Variants in SLC35F3 observed in about 807,000 individuals in gnomAD.
SLC35F3 encodes solute carrier family 35 member F3, also known as putative thiamine transporter SLC35F3.
In SLC35F3, 25 loss-of-function variants were observed where a neutral mutation model predicts 49.9. That is an observed-to-expected ratio of 0.50 (90% CI 0.37 to 0.70). SLC35F3 has a LOEUF of 0.70. Ranked by LOEUF, SLC35F3 falls within the 30% of genes least tolerant of loss-of-function variation. The pLI, the probability that SLC35F3 is intolerant of heterozygous loss-of-function variation, is 0.00. For missense variants in SLC35F3, 525 were observed against 639.8 expected, an observed-to-expected ratio of 0.82 and a Z score of 1.94; for synonymous variants, 275 against 265.4, an observed-to-expected ratio of 1.04 and a Z score of -0.35.
At chr1:234,090,200 A>G (rs1027011162) in intron 2 of SLC35F3, among the ~76,000 whole-genome samples, 1 of 152,260 alleles carries the variant, frequency 6.6e-6, no homozygotes, top group Admixed American at 6.5e-5. Flanking sequence ...AATCATCCTT[A>G]GTCAATGCTG....
intron 2 of SLC35F3, 112 bp downstream of exon 2, chr1:233,905,870 G>A: frequency 9.8e-7 from 1 of 1,018,056 alleles, no homozygotes; most frequent in Non-Finnish European, 1.4e-6. Flanking sequence ...CTCCCGCCCT[G>A]CCTGCTGATA....
intron 2 of SLC35F3, among the ~76,000 whole-genome samples, chr1:234,000,407 A>C (rs1158240951): frequency 6.6e-6 from 1 of 152,228 alleles, no homozygotes; most frequent in Non-Finnish European, 1.5e-5. Context: ...GGCAGGGGAC[A>C]CATTGCTGAC....
intron 2 of SLC35F3, among the ~76,000 whole-genome samples, chr1:234,182,090 T>C (rs942489263): frequency 6.6e-6 from 1 of 152,242 alleles, no homozygotes; most frequent in Non-Finnish European, 1.5e-5. Flanking sequence ...AAACAGTAAG[T>C]TGGATTTCTA....
intron 3 of SLC35F3, among the ~76,000 whole-genome samples, chr1:234,281,081 T>G (rs915435375): frequency 6.7e-6 from 1 of 148,384 alleles, no homozygotes; most frequent in Non-Finnish European, 1.5e-5. Context: ...CTAAATTGTG[T>G]CCCCCCCCCA....
intron 3 of SLC35F3, among the ~76,000 whole-genome samples, chr1:234,273,726 C>T (rs911252): frequency 1.3e-5 from 2 of 151,974 alleles, no homozygotes; most frequent in East Asian, 1.9e-4. Context: ...GGGAAGGAAT[C>T]GGGGGCATCT....
intron 2 of SLC35F3, among the ~76,000 whole-genome samples, chr1:234,038,022 TTAC>T (rs1158321997): frequency 2.1e-5 from 3 of 145,526 alleles, no homozygotes; most frequent in African/African-American, 8.2e-5. Flanking sequence ...TGCAGGTTAG[TTAC>T]ATATGTATAC....
intron 3 of SLC35F3, among the ~76,000 whole-genome samples, chr1:234,280,808 CAG>C (rs965788580): frequency 7.9e-5 from 12 of 152,326 alleles, no homozygotes; most frequent in African/African-American, 2.6e-4. Context: ...AACTGAGGCT[CAG>C]AGAGATTGAA....
At chr1:234,061,651 T>C (rs954371572) in intron 2 of SLC35F3, among the ~76,000 whole-genome samples, 4 of 152,166 alleles carry the variant, frequency 2.6e-5, no homozygotes, top group Non-Finnish European at 2.9e-5. Flanking sequence ...TTTTTATTCT[T>C]TTGTTTCTCT....
chr1:234,083,676 G>A (rs1664915876), intron 2 of SLC35F3, among the ~76,000 whole-genome samples: 1 of 152,128 alleles, frequency 6.6e-6, no homozygotes, highest in East Asian at 1.9e-4. Context: ...TCCTAGAAAT[G>A]TCTCACTCAT....
intron 2 of SLC35F3, among the ~76,000 whole-genome samples, chr1:233,924,634 C>T (rs1343187792): frequency 2.0e-5 from 3 of 152,180 alleles, no homozygotes; most frequent in Admixed American, 2.0e-4. Flanking sequence ...CTATCTCCTT[C>T]AGTTCTGCTC....
chr1:234,168,255 G>C (rs1471546545), intron 2 of SLC35F3, among the ~76,000 whole-genome samples: 2 of 152,222 alleles, frequency 1.3e-5, no homozygotes, highest in African/African-American at 4.8e-5. Context: ...GAGATTTCCT[G>C]CCACATGCGT....
chr1:234,189,436 A>G (rs1213757769), intron 2 of SLC35F3, among the ~76,000 whole-genome samples: 1 of 151,790 alleles, frequency 6.6e-6, no homozygotes, highest in South Asian at 2.1e-4. Flanking sequence ...GGAAAGTCTC[A>G]GCAATAGAAT....
intron 2 of SLC35F3, among the ~76,000 whole-genome samples, chr1:234,155,755 G>A (rs1666141730): frequency 6.8e-6 from 1 of 147,910 alleles, no homozygotes; most frequent in Non-Finnish European, 1.5e-5. Context: ...AGATAGGAGA[G>A]TTAGAACTCT....
At chr1:233,990,808 A>G (rs748996637) in intron 2 of SLC35F3, among the ~76,000 whole-genome samples, 33 of 152,252 alleles carry the variant, frequency 2.2e-4, no homozygotes, top group Non-Finnish European at 4.0e-4. Context: ...AAAAATATAT[A>G]CAATATGTGT....
At chr1:234,091,309 T>C (rs1665041387) in intron 2 of SLC35F3, among the ~76,000 whole-genome samples, 1 of 152,242 alleles carries the variant, frequency 6.6e-6, no homozygotes, top group Non-Finnish European at 1.5e-5. Flanking sequence ...CTGTTTACTC[T>C]CAGTCCTTTA....
chr1:234,161,672 G>A (rs959229632), intron 2 of SLC35F3, among the ~76,000 whole-genome samples: 4 of 152,130 alleles, frequency 2.6e-5, no homozygotes, highest in Non-Finnish European at 5.9e-5. Context: ...GAGGTGTGGT[G>A]GCATGCACCT....
intron 2 of SLC35F3, among the ~76,000 whole-genome samples, chr1:233,984,341 T>C (rs1380140894): frequency 6.6e-6 from 1 of 152,132 alleles, no homozygotes; most frequent in African/African-American, 2.4e-5. Context: ...ACACCGAGGT[T>C]TGCAGCAGTA....
At chr1:234,174,418 A>G (rs1461056273) in intron 2 of SLC35F3, among the ~76,000 whole-genome samples, 1 of 152,248 alleles carries the variant, frequency 6.6e-6, no homozygotes, top group Non-Finnish European at 1.5e-5. Context: ...TGAAAATCAT[A>G]GCTTCTATTT....
chr1:234,002,417 T>G (rs1663567650), intron 2 of SLC35F3, among the ~76,000 whole-genome samples: 1 of 152,216 alleles, frequency 6.6e-6, no homozygotes. Context: ...TCAGACTTTC[T>G]TTGATTTTGA....
Sources: allele counts gnomAD v4.1 joint callset (sites outside exome capture counted in the v4.1 genomes callset), GRCh38; gene constraint gnomAD v4.1.1; transcripts MANE v1.5; gene names NCBI Gene and HGNC (gene_info 2026-07-23, HGNC 2026-07-21).